The following REEP3 variants were observed in gnomAD, a reference collection of about 807,000 sequenced individuals.
REEP3 encodes receptor expression-enhancing protein 3.
Under a neutral mutation model 41.3 loss-of-function variants are expected in REEP3, and 20 were observed. The ratio of observed to expected loss-of-function variants is 0.48; its 90% confidence interval spans 0.34 to 0.70. The LOEUF (loss-of-function observed/expected upper bound fraction) is 0.70, where lower values mean the gene tolerates loss of function less well. Among genes scored for constraint, REEP3 ranks in the 30% least tolerant of loss-of-function variants. The probability of loss-of-function intolerance (pLI) is 0.01; values close to 1 mark genes in which losing one functional copy is unlikely to be tolerated. For missense variants in REEP3, 271 were observed against 308.8 expected, an observed-to-expected ratio of 0.88 and a Z score of 0.92; for synonymous variants, 104 against 101.8, an observed-to-expected ratio of 1.02 and a Z score of -0.13.
At chr10:63,570,435 T>A (rs7100409) in intron 2 of REEP3, among the ~76,000 whole-genome samples, 70,830 of 152,022 alleles carry the variant, frequency 0.47, 16,780 homozygotes, top group Middle Eastern at 0.55. Flanking sequence ...ACCATGTCTC[T>A]GGAAAGCATT....
intron 1 of REEP3, among the ~76,000 whole-genome samples, chr10:63,529,699 C>T (rs1955400803): frequency 6.6e-6 from 1 of 151,888 alleles, no homozygotes; most frequent in Admixed American, 6.6e-5. Flanking sequence ...AACTCCTGGC[C>T]TCAAGCATTC....
At chr10:63,532,953 G>A (rs1180566905) in intron 1 of REEP3, among the ~76,000 whole-genome samples, 1 of 152,186 alleles carries the variant, frequency 6.6e-6, no homozygotes, top group East Asian at 1.9e-4. Flanking sequence ...CTGTCTTAGA[G>A]TCATCACATG....
At chr10:63,549,135 G>A (rs1268309472) in intron 1 of REEP3, among the ~76,000 whole-genome samples, 1 of 152,198 alleles carries the variant, frequency 6.6e-6, no homozygotes, top group Non-Finnish European at 1.5e-5. Flanking sequence ...ATGTTCTCAT[G>A]GGGCATGTTG....
chr10:63,554,970 G>T (rs1955663902), intron 1 of REEP3, among the ~76,000 whole-genome samples: 1 of 152,132 alleles, frequency 6.6e-6, no homozygotes. Flanking sequence ...AGGAGATGAG[G>T]AAGTTTGAGT....
intron 2 of REEP3, among the ~76,000 whole-genome samples, chr10:63,590,677 G>T (rs1300345044): frequency 6.6e-6 from 1 of 152,170 alleles, no homozygotes. Context: ...GTGCACCACT[G>T]GGAATGGGGG....
At chr10:63,527,870 TATC>T (rs1362844205) in intron 1 of REEP3, among the ~76,000 whole-genome samples, 1 of 152,092 alleles carries the variant, frequency 6.6e-6, no homozygotes, top group Non-Finnish European at 1.5e-5. Flanking sequence ...TCATCTGACT[TATC>T]AGCAGCTTTT....
intron 2 of REEP3, among the ~76,000 whole-genome samples, chr10:63,584,104 G>C (rs192830052): frequency 1.3e-5 from 2 of 152,152 alleles, no homozygotes; most frequent in Non-Finnish European, 2.9e-5. Flanking sequence ...GCAATGTTGC[G>C]ACAGAGGTAT....
intron 1 of REEP3, among the ~76,000 whole-genome samples, chr10:63,536,449 A>G (rs907983654): frequency 6.6e-6 from 1 of 152,200 alleles, no homozygotes; most frequent in Admixed American, 6.5e-5. Context: ...TATTTAAAAT[A>G]TCCTCAGGAT....
At chr10:63,604,245 C>T (rs116321676) in intron 5 of REEP3, among the ~76,000 whole-genome samples, 349 of 152,294 alleles carry the variant, frequency 2.3e-3, no homozygotes, top group African/African-American at 7.8e-3. Flanking sequence ...CATCTGTTCG[C>T]AAGGTCACTG....
intron 1 of REEP3, among the ~76,000 whole-genome samples, chr10:63,566,098 A>G (rs924774200): frequency 1.3e-5 from 2 of 151,984 alleles, no homozygotes; most frequent in Non-Finnish European, 2.9e-5. Flanking sequence ...GTTAGCCTGG[A>G]TGGTCTTGAT....
intron 1 of REEP3, among the ~76,000 whole-genome samples, chr10:63,560,381 C>T (rs1254140958): frequency 6.6e-6 from 1 of 152,136 alleles, no homozygotes; most frequent in African/African-American, 2.4e-5. Flanking sequence ...AGATGTATAT[C>T]AGACTTGTTT....
At chr10:63,556,615 T>C (rs1170761211) in intron 1 of REEP3, among the ~76,000 whole-genome samples, 3 of 7,956 alleles carry the variant, frequency 3.8e-4, no homozygotes, top group Middle Eastern at 0.14. Flanking sequence ...TGTTTGCTTG[T>C]TTTTTTTTTT....
At chr10:63,585,963 C>G (rs970363696) in intron 2 of REEP3, among the ~76,000 whole-genome samples, 1 of 152,104 alleles carries the variant, frequency 6.6e-6, no homozygotes. Context: ...ATCCTGGGAT[C>G]TAAATCAATT....
At chr10:63,578,989 G>A (rs1459705183) in intron 2 of REEP3, among the ~76,000 whole-genome samples, 1 of 149,854 alleles carries the variant, frequency 6.7e-6, no homozygotes, top group Non-Finnish European at 1.5e-5. Context: ...TAAAGTAACT[G>A]GTACTGTTAT....
At chr10:63,559,688 A>G (rs973176038) in intron 1 of REEP3, among the ~76,000 whole-genome samples, 3 of 152,168 alleles carry the variant, frequency 2.0e-5, no homozygotes, top group Non-Finnish European at 2.9e-5. Context: ...CATCTGTAAA[A>G]TTGGTTTTAA....
At chr10:63,548,388 T>C (rs906537322) in intron 1 of REEP3, among the ~76,000 whole-genome samples, 1 of 151,830 alleles carries the variant, frequency 6.6e-6, no homozygotes, top group Non-Finnish European at 1.5e-5. Context: ...AATTGAATGA[T>C]GGTACATTTA....
chr10:63,596,814 A>G (rs907837177), intron 3 of REEP3, among the ~76,000 whole-genome samples: 13 of 152,110 alleles, frequency 8.5e-5, no homozygotes, highest in African/African-American at 1.4e-4. Flanking sequence ...GTCTTGCTCC[A>G]TTGCCCAAGC....
At chr10:63,581,058 T>G (rs1955949614) in intron 2 of REEP3, among the ~76,000 whole-genome samples, 1 of 152,176 alleles carries the variant, frequency 6.6e-6, no homozygotes, top group Admixed American at 6.5e-5. Context: ...GATAGACCTA[T>G]TTTTTCCTTT....
chr10:63,615,416 A>G (rs1956304559), intron 6 of REEP3, among the ~76,000 whole-genome samples: 1 of 152,160 alleles, frequency 6.6e-6, no homozygotes, highest in African/African-American at 2.4e-5. Flanking sequence ...TGCTTCCCAA[A>G]GTGCTAAGAT....
Sources: gnomAD v4.1 joint callset for allele counts (sites outside exome capture counted in the v4.1 genomes callset) on GRCh38, gnomAD v4.1.1 for gene constraint, MANE v1.5 for transcripts, NCBI Gene and HGNC (gene_info 2026-07-23, HGNC 2026-07-21) for gene names.